The following IFT88 variants were observed in gnomAD, a reference collection of about 807,000 sequenced individuals.
IFT88 encodes intraflagellar transport protein 88 homolog.
In IFT88, 74 loss-of-function variants were observed where a neutral mutation model predicts 119.5. That is an observed-to-expected ratio of 0.62 (90% CI 0.51 to 0.75). The LOEUF is 0.75. Among genes scored for constraint, IFT88 ranks in the 30% least tolerant of loss-of-function variants. The pLI is 0.00. For synonymous variants in IFT88, 279 were observed against 316.7 expected, an observed-to-expected ratio of 0.88 and a Z score of 1.26; for missense variants, 961 against 977.7, an observed-to-expected ratio of 0.98 and a Z score of 0.23.
intron 23 of IFT88, among the ~76,000 whole-genome samples, chr13:20,664,042 C>G (rs2054246002): frequency 6.6e-6 from 1 of 152,148 alleles, no homozygotes. Context: ...GCTTTATGCT[C>G]CTTGAAGGGT....
intron 14 of IFT88, among the ~76,000 whole-genome samples, chr13:20,619,828 T>A (rs940039026): frequency 6.6e-6 from 1 of 152,204 alleles, no homozygotes; most frequent in Non-Finnish European, 1.5e-5. Context: ...TGTACTTGTT[T>A]ACACCCCCAC....
intron 12 of IFT88, among the ~76,000 whole-genome samples, chr13:20,603,015 A>C (rs183050478): frequency 6.6e-6 from 1 of 152,364 alleles, no homozygotes; most frequent in East Asian, 1.9e-4. Flanking sequence ...AGCTATGCAC[A>C]CTTATACATG....
intron 14 of IFT88, among the ~76,000 whole-genome samples, chr13:20,623,611 A>G (rs548423982): frequency 5.9e-5 from 9 of 152,266 alleles, no homozygotes; most frequent in African/African-American, 2.2e-4. Context: ...AGTAGCTGGG[A>G]CTACGGGCAC....
chr13:20,588,212 G>A (rs566814029), intron 3 of IFT88, among the ~76,000 whole-genome samples: 41 of 152,020 alleles, frequency 2.7e-4, no homozygotes, highest in Middle Eastern at 3.4e-3. Flanking sequence ...CCTGGACAGT[G>A]CCAGGATTTT....
chr13:20,639,160 T>C (rs139509909), intron 17 of IFT88, among the ~76,000 whole-genome samples: 1 of 152,322 alleles, frequency 6.6e-6, no homozygotes, highest in East Asian at 1.9e-4. Context: ...TTAATAACTT[T>C]TCTTCTGAAG....
intron 7 of IFT88, among the ~76,000 whole-genome samples, chr13:20,592,687 C>T (rs1216935816): frequency 6.6e-6 from 1 of 152,096 alleles, no homozygotes; most frequent in Non-Finnish European, 1.5e-5. Flanking sequence ...CTAGGCTGGT[C>T]TCGAACTCCC....
intron 22 of IFT88, among the ~76,000 whole-genome samples, chr13:20,660,421 G>A (rs2053592962): frequency 6.6e-6 from 1 of 152,166 alleles, no homozygotes; most frequent in Non-Finnish European, 1.5e-5. Flanking sequence ...AGGATTTTGT[G>A]TGGAAGAATA....
rs551104607 is a variant in IFT88, at chr13:20,607,239, C to T, written c.1112+2134C>T. ...TCAGGCCCCGGGCCCAGTCTGCATTCGTCCCCTGGCCTGCTGCTGCCGCAG... is the reference window on the plus strand; with the variant it reads ...TCAGGCCCCGGGCCCAGTCTGCATTTGTCCCCTGGCCTGCTGCTGCCGCAG... On this transcript the variant is annotated intron_variant, in intron 13 of 25. Transcript: ENST00000351808. 3.0e-5 allele frequency: 12 copies of T among 403,252 alleles called. No individual in the cohort carries two copies. In the East Asian group the frequency reaches 6.4e-4, roughly 21 times the overall value. 25.0% of individuals were successfully genotyped at this position (403,252 alleles called of 1,614,324 possible). A position where few individuals can be genotyped will look rare whatever the true frequency, so the allele number is the denominator to read the frequency against.
chr13:20,577,119 G>A lies in IFT88; in HGVS notation c.90+2644G>A, dbSNP rs117864518. Reference sequence around the variant, plus strand: ...AATTTCTAGATATTTAATTTTATTCGTAGATATTCTAAATGGGATTACTTT... The same window carrying A: ...AATTTCTAGATATTTAATTTTATTCATAGATATTCTAAATGGGATTACTTT... On this transcript the variant is annotated intron_variant, in intron 2 of 25. Coordinates refer to ENST00000351808, the MANE Select transcript of IFT88 (RefSeq NM_006531.5). Among the ~76,000 whole-genome samples, 333 of 152,046 alleles carry A rather than the reference G, an allele frequency of 2.2e-3. 1 individual carries two copies. Among genetic ancestry groups the A allele is most frequent in the Non-Finnish European group, 3.7e-3 (252 of 67,968 alleles).
rs139977753 is a variant in IFT88, at chr13:20,635,571, C to T, written c.1387-2761C>T. Among the ~76,000 whole-genome samples the T allele has an allele frequency of 7.2e-5, 11 of 152,288 alleles. No homozygotes were observed. The East Asian group carries it at 9.6e-4, about 13-fold the overall frequency. On this transcript the variant is annotated intron_variant, in intron 16 of 25. Coordinates refer to ENST00000351808, the MANE Select transcript of IFT88 (RefSeq NM_006531.5). Reference sequence around the variant, plus strand: ...TCTTTGTCCTCTGTGGCTCTTGGCTCGGCCTTCTGAGAGCATCTTCCTTTT... The same window carrying T: ...TCTTTGTCCTCTGTGGCTCTTGGCTTGGCCTTCTGAGAGCATCTTCCTTTT...
chr13:20,687,022 CAAAAAAA>C (rs370247448), intron 24 of IFT88, among the ~76,000 whole-genome samples: 63 of 59,830 alleles, frequency 1.1e-3, no homozygotes, highest in East Asian at 3.5e-3. Flanking sequence ...ACTTTCTTAC[CAAAAAAA>C]AAAAAAAAAA....
chr13:20,611,361 C>T (rs34014885), intron 13 of IFT88, among the ~76,000 whole-genome samples: 15 of 151,244 alleles, frequency 9.9e-5, no homozygotes, highest in Middle Eastern at 3.4e-3. Flanking sequence ...AACTCTGTCT[C>T]TACAAAAAAA....
chr13:20,687,429 GA>G (rs2058055163), intron 24 of IFT88, among the ~76,000 whole-genome samples: 1 of 152,174 alleles, frequency 6.6e-6, no homozygotes, highest in Non-Finnish European at 1.5e-5. Flanking sequence ...CTTTGCTAAA[GA>G]GGCACTATTT....
intron 22 of IFT88, among the ~76,000 whole-genome samples, chr13:20,663,049 GCA>G (rs1254154507): frequency 6.6e-6 from 1 of 152,168 alleles, no homozygotes; most frequent in African/African-American, 2.4e-5. Flanking sequence ...CTAGTGCTTT[GCA>G]CAGTGTGAAT....
At position 20,643,481 on chromosome 13, in the gene IFT88, A is replaced by G. The variant is rs1204438115; in HGVS notation, c.1709A>G (p.Gln570Arg). The change falls in exon 19 of 26, where the codon CAA (glutamine) becomes CGA (arginine). Residue 570 changes from glutamine (Q) to arginine (R), a missense_variant. Transcript: ENST00000351808. ...TATGAATTAATGGAAAATCCCAGTCAAGCTATTGAATGGCTAATGCAGGTG... is the reference window on the plus strand; with the variant it reads ...TATGAATTAATGGAAAATCCCAGTCGAGCTATTGAATGGCTAATGCAGGTG... ...NIYELMENPS[Q>R]AIEWLMQVVS... 1.9e-6 allele frequency: 3 copies of G among 1,603,518 alleles called. No homozygotes were observed. In the African/African-American group the frequency reaches 4.0e-5, roughly 22 times the overall value.
At chr13:20,657,126 G>A (rs931891734) in intron 22 of IFT88, among the ~76,000 whole-genome samples, 2 of 152,196 alleles carry the variant, frequency 1.3e-5, no homozygotes, top group South Asian at 2.1e-4. Context: ...AAAGTGCTGG[G>A]ATTACAGGCG....
At chr13:20,679,044 G>A (rs1475936737) in intron 24 of IFT88, among the ~76,000 whole-genome samples, 4 of 152,178 alleles carry the variant, frequency 2.6e-5, no homozygotes, top group Admixed American at 1.3e-4. Flanking sequence ...TGTTTCTTCA[G>A]TTTTACAATA....
chr13:20,687,906 A>G (rs1436465126), intron 24 of IFT88, among the ~76,000 whole-genome samples: 2 of 152,226 alleles, frequency 1.3e-5, no homozygotes, highest in Admixed American at 1.3e-4. Flanking sequence ...TGAGAACCTC[A>G]GATTATAGAC....
At chr13:20,646,244 C>T (rs2050732417) in intron 20 of IFT88, among the ~76,000 whole-genome samples, 2 of 152,132 alleles carry the variant, frequency 1.3e-5, no homozygotes, top group Admixed American at 1.3e-4. Flanking sequence ...GTAGTTCAGT[C>T]ACCTGACTCA....
Sources: allele counts gnomAD v4.1 joint callset (sites outside exome capture counted in the v4.1 genomes callset), GRCh38; gene constraint gnomAD v4.1.1; transcripts MANE v1.5; gene names NCBI Gene and HGNC (gene_info 2026-07-23, HGNC 2026-07-21).